The following NCAM1 variants were observed in gnomAD, a reference collection of about 807,000 sequenced individuals.
NCAM1 encodes the protein neural cell adhesion molecule 1.
In NCAM1, 14 loss-of-function variants were observed where a neutral mutation model predicts 109.8. That is an observed-to-expected ratio of 0.13 (90% CI 0.08 to 0.20). NCAM1 has a LOEUF of 0.20. Among genes scored for constraint, NCAM1 ranks in the 10% least tolerant of loss-of-function variants. The probability of loss-of-function intolerance (pLI) is 1.00; values close to 1 mark genes in which losing one functional copy is unlikely to be tolerated. For missense variants in NCAM1, 774 were observed against 1,109.9 expected (o/e 0.70, Z 4.30); for synonymous variants, 418 against 442.9 (o/e 0.94, Z 0.70).
intron 1 of NCAM1, chr11:113,041,116 GTCAACTGTGGAATATCC>G (rs1302969663): frequency 1.3e-5 from 2 of 152,144 alleles, no homozygotes; most frequent in African/African-American, 4.8e-5. Context: ...ATAGATTCCA[GTCAACTGTGGAATATCC>G]TCTTAAAATA....
At chr11:113,088,459 T>C (rs897473573) in intron 1 of NCAM1, among the ~76,000 whole-genome samples, 2 of 152,228 alleles carry the variant, frequency 1.3e-5, no homozygotes, top group Admixed American at 1.3e-4. Flanking sequence ...AACCACATGG[T>C]GGGATTAGCT....
intron 1 of NCAM1, among the ~76,000 whole-genome samples, chr11:113,138,300 T>G (rs982075455): frequency 6.6e-6 from 1 of 152,220 alleles, no homozygotes; most frequent in Non-Finnish European, 1.5e-5. Context: ...GAAGTTGAAT[T>G]TGTCTGGCCC....
At chr11:113,266,215 G>A (rs1261139655) in intron 17 of NCAM1, among the ~76,000 whole-genome samples, 1 of 152,216 alleles carries the variant, frequency 6.6e-6, no homozygotes, top group African/African-American at 2.4e-5. Flanking sequence ...AAACAATTCT[G>A]TGATAGCCAC....
rs539339569 is a variant in NCAM1, at chr11:113,261,452, C to G, written c.2131+1129C>G. Among the ~76,000 whole-genome samples the G allele has an allele frequency of 5.3e-5, 8 of 152,216 alleles. No homozygotes were observed. The East Asian group carries it at 1.4e-3, about 26-fold the overall frequency. ...GGCAGGTGAGTTTTACACTGTAGGT[C>G]AGAAGCATCAATTGGTCCACCCTGC... On this transcript the variant is annotated intron_variant, in intron 17 of 19. Coordinates refer to ENST00000316851, the MANE Select transcript of NCAM1 (RefSeq NM_181351.5).
At chr11:113,228,062 A>G (rs1944900951) in intron 9 of NCAM1, among the ~76,000 whole-genome samples, 1 of 152,228 alleles carries the variant, frequency 6.6e-6, no homozygotes, top group South Asian at 2.1e-4. Context: ...TATTCAACAT[A>G]GTGTTGGAAG....
chr11:113,246,324 G>T, intron 14 of NCAM1, 44 bp from the exon 15 acceptor site: 1 of 732,848 alleles, frequency 1.4e-6, no homozygotes. Flanking sequence ...ACTTTGTCAT[G>T]TGGCTTGCAT....
rs573071733 is a variant in NCAM1, at chr11:113,034,199, A to G, written c.52+72535A>G. ...TTCTTTCTCTGTCTGTTGTCCAGTC[A>G]TGCGCAGGCAGGTGGCACATTAGTA... On this transcript the variant is annotated intron_variant, in intron 1 of 19. Coordinates refer to ENST00000316851, the MANE Select transcript of NCAM1 (RefSeq NM_181351.5). 6.6e-5 allele frequency among the ~76,000 whole-genome samples: 10 copies of G among 152,234 alleles called. No homozygotes were observed. The East Asian group carries it at 1.4e-3, about 21-fold the overall frequency.
chr11:113,193,568 G>A (rs782761512), intron 1 of NCAM1, among the ~76,000 whole-genome samples: 63 of 152,140 alleles, frequency 4.1e-4, no homozygotes, highest in Non-Finnish European at 1.6e-4. Context: ...TGGGAGAATC[G>A]CTTGAACCTG....
intron 1 of NCAM1, among the ~76,000 whole-genome samples, chr11:113,033,775 G>A (rs1021638451): frequency 6.6e-6 from 1 of 152,174 alleles, no homozygotes; most frequent in Admixed American, 6.5e-5. Context: ...TCACAGCATT[G>A]TAACAAGCAC....
chr11:113,266,066 G>T (rs577263803), intron 17 of NCAM1, among the ~76,000 whole-genome samples: 9 of 152,280 alleles, frequency 5.9e-5, no homozygotes, highest in African/African-American at 1.4e-4. Flanking sequence ...TGCATCCAAG[G>T]TGCACAGGTG....
At chr11:113,240,796 T>C (rs1945299000) in intron 14 of NCAM1, 1 of 1,613,736 alleles carries the variant, frequency 6.2e-7, no homozygotes, top group South Asian at 1.1e-5. Context: ...CGGCATCTGC[T>C]AGCTCGTCTA....
intron 1 of NCAM1, among the ~76,000 whole-genome samples, chr11:112,967,437 G>A (rs1163291098): frequency 6.6e-6 from 1 of 152,194 alleles, no homozygotes; most frequent in Non-Finnish European, 1.5e-5. Flanking sequence ...TAGAGATTAA[G>A]AGAGGTAGAT....
chr11:112,968,199 AAAG>A (rs1289663130), intron 1 of NCAM1, among the ~76,000 whole-genome samples: 2 of 152,230 alleles, frequency 1.3e-5, no homozygotes, highest in Non-Finnish European at 2.9e-5. Flanking sequence ...TCATTTTTAG[AAAG>A]AAGTATTTCA....
At chr11:112,969,346 A>T (rs1438755442) in intron 1 of NCAM1, among the ~76,000 whole-genome samples, 1 of 152,176 alleles carries the variant, frequency 6.6e-6, no homozygotes, top group African/African-American at 2.4e-5. Context: ...TGGAGCTGGG[A>T]CTGCAACTTA....
chr11:113,055,022 G>A lies in NCAM1; in HGVS notation c.52+93358G>A, dbSNP rs1953643638. 2.0e-5 allele frequency among the ~76,000 whole-genome samples: 3 copies of A among 152,208 alleles called. No individual in the cohort carries two copies. In the South Asian group the frequency reaches 6.2e-4, roughly 31 times the overall value. On this transcript the variant is annotated intron_variant, in intron 1 of 19. Transcript: ENST00000316851. ...ACTTTGTCACAGGCTGCTGTTTGCT[G>A]AAGACATGATACAGCCCACAGGAAC...
At chr11:113,088,062 T>C (rs1444037735) in intron 1 of NCAM1, among the ~76,000 whole-genome samples, 1 of 152,224 alleles carries the variant, frequency 6.6e-6, no homozygotes, top group Non-Finnish European at 1.5e-5. Flanking sequence ...GATCGTTATT[T>C]CAACAAAACA....
chr11:113,097,054 T>TG (rs1360137966), intron 1 of NCAM1, among the ~76,000 whole-genome samples: 1 of 152,158 alleles, frequency 6.6e-6, no homozygotes, highest in Non-Finnish European at 1.5e-5. Context: ...AATGCCCTAA[T>TG]GGAAAGTCTT....
In NCAM1 at chr11:113,094,062, T is replaced by C. The variant is rs568967941; in HGVS notation, c.53-108317T>C. On this transcript the variant is annotated intron_variant, in intron 1 of 19. Coordinates refer to ENST00000316851, the MANE Select transcript of NCAM1 (RefSeq NM_181351.5). ...AATCAATAGCAGATAAGTGGTATCA[T>C]GCTGCTTCAAATACAGAGGGAAACA... Among the ~76,000 whole-genome samples the C allele has an allele frequency of 2.6e-5, 4 of 152,318 alleles. No homozygotes were observed. The South Asian group carries it at 8.3e-4, about 32-fold the overall frequency.
rs1946368743 is a variant in NCAM1 at position 113,274,773 on chromosome 11, G to A, written c.2457-494G>A. Among the ~76,000 whole-genome samples the A allele has an allele frequency of 6.6e-6, 1 of 152,202 alleles. No individual in the cohort carries two copies. Among genetic ancestry groups the A allele is most frequent in the Non-Finnish European group, 1.5e-5 (1 of 68,032 alleles). On this transcript the variant is annotated intron_variant, in intron 19 of 19. Coordinates refer to ENST00000316851, the MANE Select transcript of NCAM1 (RefSeq NM_181351.5). The surrounding 1 kb of genome is among the most constrained non-coding windows in gnomAD (Gnocchi z 4.1). Reference sequence around the variant, plus strand: ...CCTGCAACAGCACAGGGTGGGGTGGGGAAGGGACAGGCAAGAGTGGGTTGC... The same window carrying A: ...CCTGCAACAGCACAGGGTGGGGTGGAGAAGGGACAGGCAAGAGTGGGTTGC...
Sources: allele counts gnomAD v4.1 joint callset (sites outside exome capture counted in the v4.1 genomes callset), GRCh38; gene constraint gnomAD v4.1.1; non-coding constraint Gnocchi (gnomAD v3.1); transcripts MANE v1.5; gene names NCBI Gene and HGNC (gene_info 2026-07-23, HGNC 2026-07-21).